METTL24: variants seen among roughly 807,000 people sequenced by gnomAD.
METTL24 encodes the protein probable methyltransferase-like protein 24.
Under a neutral mutation model 32.7 loss-of-function variants are expected in METTL24, and 29 were observed. That is an observed-to-expected ratio of 0.89 (90% CI 0.66 to 1.21). The LOEUF (loss-of-function observed/expected upper bound fraction) is 1.21. METTL24 is among the 50% of genes most tolerant of loss of function. The probability of loss-of-function intolerance (pLI) is 0.00; values close to 1 mark genes in which losing one functional copy is unlikely to be tolerated. For missense variants in METTL24, 439 were observed against 468.1 expected, an observed-to-expected ratio of 0.94 and a Z score of 0.57; for synonymous variants, 163 against 179.5, an observed-to-expected ratio of 0.91 and a Z score of 0.73.
chr6:110,318,084 T>C (rs1002747971), intron 2 of METTL24, among the ~76,000 whole-genome samples: 4 of 152,158 alleles, frequency 2.6e-5, no homozygotes, highest in Admixed American at 2.0e-4. Context: ...AACAATGGGT[T>C]GAAGGGGTTA....
At chr6:110,264,052 T>C (rs1417505373) in intron 4 of METTL24, among the ~76,000 whole-genome samples, 5 of 152,056 alleles carry the variant, frequency 3.3e-5, no homozygotes, top group Non-Finnish European at 7.4e-5. Context: ...ATTCAGGACA[T>C]AGGCATGGGC....
At chr6:110,289,948 T>C (rs1364685562) in intron 4 of METTL24, among the ~76,000 whole-genome samples, 1 of 148,600 alleles carries the variant, frequency 6.7e-6, no homozygotes, top group African/African-American at 2.6e-5. Context: ...AGTTTAAGGA[T>C]ATTGGTCAAT....
intron 4 of METTL24, among the ~76,000 whole-genome samples, chr6:110,291,522 T>C (rs1771319682): frequency 6.6e-6 from 1 of 152,324 alleles, no homozygotes; most frequent in East Asian, 1.9e-4. Context: ...TTCTCTTTTT[T>C]TTCTTCATTG....
At chr6:110,301,821 A>AT (rs1174944711) in intron 3 of METTL24, among the ~76,000 whole-genome samples, 1 of 152,300 alleles carries the variant, frequency 6.6e-6, no homozygotes, top group East Asian at 1.9e-4. Flanking sequence ...ACTACAAAGC[A>AT]TTTTTTTAGT....
intron 1 of METTL24, among the ~76,000 whole-genome samples, chr6:110,330,486 G>A (rs868865963): frequency 1.3e-5 from 2 of 152,230 alleles, no homozygotes; most frequent in Non-Finnish European, 2.9e-5. Context: ...AGAAGGAGTA[G>A]CTTGGGAAGG....
chr6:110,330,886 C>T (rs756134048), intron 1 of METTL24, among the ~76,000 whole-genome samples: 9 of 152,172 alleles, frequency 5.9e-5, no homozygotes, highest in Non-Finnish European at 1.3e-4. Context: ...AACTACTAAG[C>T]ATATGAAGAA....
At chr6:110,286,547 A>T (rs1771224506) in intron 4 of METTL24, among the ~76,000 whole-genome samples, 1 of 152,190 alleles carries the variant, frequency 6.6e-6, no homozygotes, top group Non-Finnish European at 1.5e-5. Context: ...ACACAGTCGT[A>T]CAGCTGGGAG....
intron 4 of METTL24, among the ~76,000 whole-genome samples, chr6:110,262,870 A>C (rs1348588100): frequency 6.6e-6 from 1 of 152,206 alleles, no homozygotes; most frequent in African/African-American, 2.4e-5. Flanking sequence ...GACAAAAACC[A>C]CATGATTATC....
chr6:110,349,444 G>A (rs986567577), intron 1 of METTL24, among the ~76,000 whole-genome samples: 1 of 152,144 alleles, frequency 6.6e-6, no homozygotes, highest in Non-Finnish European at 1.5e-5. Flanking sequence ...CCCCACACCC[G>A]CAACAGATAT....
intron 2 of METTL24, among the ~76,000 whole-genome samples, chr6:110,320,798 G>A (rs1562236647): frequency 6.6e-6 from 1 of 152,120 alleles, no homozygotes; most frequent in Non-Finnish European, 1.5e-5. Context: ...ACTGCTCTGT[G>A]CACAGTACAA....
intron 3 of METTL24, among the ~76,000 whole-genome samples, chr6:110,302,355 A>G (rs193021105): frequency 1.3e-5 from 2 of 151,956 alleles, no homozygotes; most frequent in East Asian, 3.9e-4. Flanking sequence ...GAAATATGTG[A>G]ATAATTTCTT....
At chr6:110,318,651 CAA>C (rs56890760) in intron 2 of METTL24, among the ~76,000 whole-genome samples, 3,066 of 90,504 alleles carry the variant, frequency 0.034, 96 homozygotes, top group African/African-American at 0.1. Flanking sequence ...GACTCTACCT[CAA>C]AAAAAAAAAA....
intron 4 of METTL24, among the ~76,000 whole-genome samples, chr6:110,289,452 A>G (rs1014352897): frequency 6.6e-6 from 1 of 152,162 alleles, no homozygotes; most frequent in Non-Finnish European, 1.5e-5. Context: ...AAAAATACCA[A>G]TTAGAAACCT....
rs1582425512 is a variant in METTL24 at position 110,323,012 on chromosome 6, C to T, written c.319-140G>A. The T allele has an allele frequency of 7.0e-6, 4 of 575,322 alleles. No individual in the cohort carries two copies. In the South Asian group the frequency reaches 9.1e-5, roughly 13 times the overall value. The allele number at this position is 575,322 out of a possible 1,614,324, so 35.6% of individuals were successfully genotyped here. A position where few individuals can be genotyped will look rare whatever the true frequency, so the allele number is the denominator to read the frequency against. The stretch of plus-strand genomic sequence containing the variant: ...ATATGCACACAGGCAGCAGGAGGCT[C>T]TTTGCGAGCTGCTGTCATTAAGGCC... On this transcript the variant is annotated intron_variant, in intron 1 of 4. Transcript: ENST00000338882.
chr6:110,337,027 C>A (rs1772249037), intron 1 of METTL24, among the ~76,000 whole-genome samples: 2 of 152,156 alleles, frequency 1.3e-5, no homozygotes, highest in Admixed American at 1.3e-4. Flanking sequence ...AACCTAAATA[C>A]CCATGAGTGA....
chr6:110,299,753 T>C (rs1464070136), intron 3 of METTL24, among the ~76,000 whole-genome samples: 1 of 152,198 alleles, frequency 6.6e-6, no homozygotes, highest in African/African-American at 2.4e-5. Flanking sequence ...GAAGAAATTA[T>C]GAATTAATTG....
chr6:110,341,655 A>G (rs1181121927), intron 1 of METTL24, among the ~76,000 whole-genome samples: 1 of 152,194 alleles, frequency 6.6e-6, no homozygotes, highest in African/African-American at 2.4e-5. Context: ...TAATCAACAT[A>G]TTTTTCTGAG....
chr6:110,319,798 T>G (rs141622327), intron 2 of METTL24, among the ~76,000 whole-genome samples: 304 of 152,214 alleles, frequency 2.0e-3, no homozygotes, highest in African/African-American at 6.6e-3. Context: ...GGAATTTCAT[T>G]TAAAAATGCA....
Position 110,322,811 on chromosome 6 carries a change from T to A in METTL24, c.380A>T (p.Glu127Val). The A allele has an allele frequency of 6.2e-7, 1 of 1,613,960 alleles. No homozygotes were observed. The highest frequency in any genetic ancestry group is 8.5e-7 in the Non-Finnish European group (1 of 1,179,910). Reference protein sequence around the residue: ...WAGSAQSLDEEAWRFLRYIST... With the variant: ...WAGSAQSLDEVAWRFLRYIST... ...GATATATCTCAGGAACCTCCAGGCT[T>A]CTTCATCCAGGGACTGAGCAGAGCC... Residue 127 changes from glutamate (E) to valine (V), a missense_variant, in exon 2 of 5, where the codon GAA becomes GTA. Coordinates refer to ENST00000338882, the MANE Select transcript of METTL24 (RefSeq NM_001123364.3).
Sources: allele counts gnomAD v4.1 joint callset (sites outside exome capture counted in the v4.1 genomes callset), GRCh38; gene constraint gnomAD v4.1.1; transcripts MANE v1.5; gene names NCBI Gene and HGNC (gene_info 2026-07-23, HGNC 2026-07-21).